Variants in CBR3 observed in about 807,000 individuals in gnomAD.
CBR3 encodes the protein carbonyl reductase [NADPH] 3.
A neutral mutation model predicts 11.6 loss-of-function variants in CBR3; 14 were observed. The ratio of observed to expected loss-of-function variants is 1.20; its 90% CI spans 0.79 to 1.88. CBR3 has a LOEUF of 1.88. Among genes scored for constraint, CBR3 ranks in the 40% most tolerant of loss-of-function variants. CBR3 has a pLI of 0.00. For missense variants in CBR3, 308 were observed against 357.3 expected (o/e 0.86, Z 1.11); for synonymous variants, 125 against 145.6 (o/e 0.86, Z 1.02).
chr21:36,143,778 G>A (rs919818790), intron 2 of CBR3, among the ~76,000 whole-genome samples: 1 of 151,626 alleles, frequency 6.6e-6, no homozygotes, highest in Non-Finnish European at 1.5e-5. Context: ...TATTTGTGGG[G>A]CTGAGACAGG....
chr21:36,143,238 GGTTGCA>G (rs2065727691), intron 2 of CBR3, among the ~76,000 whole-genome samples: 2 of 151,960 alleles, frequency 1.3e-5, no homozygotes, highest in South Asian at 4.1e-4. Flanking sequence ...CCGAGATAGA[GGTTGCA>G]GTGAGCTGAG....
chr21:36,142,053 T>C (rs373557558), intron 2 of CBR3: 2 of 269,748 alleles, frequency 7.4e-6, no homozygotes, highest in African/African-American at 4.6e-5. Flanking sequence ...TTGAGAGAAA[T>C]ACTACAAAAT....
intron 1 of CBR3, among the ~76,000 whole-genome samples, chr21:36,136,361 ACCTAGT>A (rs1233325254): frequency 6.6e-6 from 1 of 151,600 alleles, no homozygotes; most frequent in Non-Finnish European, 1.5e-5. Context: ...TTCACCTCCA[ACCTAGT>A]GGGGAAAAAA....
chr21:36,135,574 C>T (rs1013862013), intron 1 of CBR3, 93 bp downstream of exon 1: 3 of 1,258,150 alleles, frequency 2.4e-6, no homozygotes, highest in Non-Finnish European at 3.2e-6. Context: ...CTTGAGTGAC[C>T]GAGGAGGGTG....
chr21:36,136,837 G>A (rs1211097539), intron 1 of CBR3, among the ~76,000 whole-genome samples: 1 of 151,772 alleles, frequency 6.6e-6, no homozygotes, highest in African/African-American at 2.4e-5. Flanking sequence ...AGACCAGCCC[G>A]GGAAACATGG....
chr21:36,145,672 C>T (rs2065748025), intron 2 of CBR3, among the ~76,000 whole-genome samples: 1 of 151,770 alleles, frequency 6.6e-6, no homozygotes, highest in Non-Finnish European at 1.5e-5. Flanking sequence ...ATTAAACCTA[C>T]ACAATGGCCA....
chr21:36,135,708 G>A (rs1412314664), intron 1 of CBR3: 1 of 504,060 alleles, frequency 2.0e-6, no homozygotes, highest in Non-Finnish European at 3.4e-6. Flanking sequence ...CGGCCTGTGA[G>A]GGCCTGTGCG....
chr21:36,144,977 A>C (rs2065742103), intron 2 of CBR3: 1 of 150,936 alleles, frequency 6.6e-6, no homozygotes, highest in South Asian at 2.1e-4. Flanking sequence ...GGTGGTGGGC[A>C]CCTGTAGTCC....
chr21:36,146,005 G>T, intron 2 of CBR3, 71 bp from the exon 3 acceptor site: 12 of 841,240 alleles, frequency 1.4e-5, no homozygotes, highest in Non-Finnish European at 2.1e-5. Flanking sequence ...TCAATCATAT[G>T]TTTGGTATAT....
rs2123356072 is a variant in CBR3 at position 36,146,479 on chromosome 21, G to T, written c.801G>T (p.Gln267His). The change falls in exon 3 of 3, where the codon CAG (glutamine) becomes CAT (histidine). Residue 267 changes from glutamine (Q) to histidine (H), a missense_variant. Coordinates refer to ENST00000290354, the MANE Select transcript of CBR3 (RefSeq NM_001236.4). ...LPPDATEPQGQLVHDKVVQNW is the reference protein window; with the variant it reads ...LPPDATEPQGHLVHDKVVQNW ...CAGATGCCACTGAGCCACAAGGCCA[G>T]TTGGTCCATGACAAAGTTGTGCAAA... 6.2e-7 allele frequency: 1 copy of T among 1,611,474 alleles called. No homozygotes were observed. Among genetic ancestry groups the T allele is most frequent in the Non-Finnish European group, 8.5e-7 (1 of 1,178,110 alleles).
At position 36,135,166 on chromosome 21, in the gene CBR3, C is replaced by A; in HGVS notation, c.-27C>A. 6 of 1,428,866 alleles carry A rather than the reference C, an allele frequency of 4.2e-6. No individual in the cohort carries two copies. The highest frequency in any genetic ancestry group is 5.5e-6 in the Non-Finnish European group (6 of 1,095,312). The allele number at this position is 1,428,866 out of a possible 1,614,324, so 88.5% of individuals were successfully genotyped here. A position where few individuals can be genotyped will look rare whatever the true frequency, so the allele number is the denominator to read the frequency against. ...TCCGAAGCCCGGTCCGCCCTCCACG[C>A]AGGTGCCCCGCGCTCCCCGCTCAGC... On this transcript the variant is annotated 5_prime_UTR_variant, in exon 1 of 3. Coordinates refer to ENST00000290354, the MANE Select transcript of CBR3 (RefSeq NM_001236.4).
intron 2 of CBR3, 144 bp downstream of exon 2, chr21:36,138,076 C>T: frequency 3.2e-6 from 2 of 619,432 alleles, no homozygotes; most frequent in South Asian, 3.9e-5. Flanking sequence ...TTCATTTTCC[C>T]ACAGTGTTTG....
rs3028091 is a variant in CBR3, at chr21:36,136,308, G to GAAAAA, written c.289+837_289+841dup. On this transcript the variant is annotated intron_variant, in intron 1 of 2. Transcript: ENST00000290354. ...TGGGAGACAGAGCGAGACTCCGTAT[G>GAAAAA]AAAAAAAAAAAAAAGTTACTACGGA... Among the ~76,000 whole-genome samples, 2 of 140,270 alleles carry GAAAAA rather than the reference G, an allele frequency of 1.4e-5. 1 individual carries two copies. The highest frequency in any genetic ancestry group is 3.0e-5 in the Non-Finnish European group (2 of 65,632). 92.0% of individuals were successfully genotyped at this position (140,270 alleles called of 152,430 possible).
chr21:36,145,408 T>C (rs1291847220), intron 2 of CBR3, among the ~76,000 whole-genome samples: 1 of 152,160 alleles, frequency 6.6e-6, no homozygotes, highest in Non-Finnish European at 1.5e-5. Context: ...GGTGTGATCA[T>C]GGCTCACTGC....
chr21:36,141,721 G>A (rs2065711131), intron 2 of CBR3: 2 of 154,306 alleles, frequency 1.3e-5, no homozygotes, highest in East Asian at 1.9e-4. Context: ...GTGGAGGGTG[G>A]TGTGGGTGCA....
chr21:36,135,186 C>T lies in CBR3; in HGVS notation c.-7C>T. On this transcript the variant is annotated 5_prime_UTR_variant, in exon 1 of 3. Transcript: ENST00000290354. ...CCACGCAGGTGCCCCGCGCTCCCCGCTCAGCCATGTCGTCCTGCAGCCGCG... is the reference window on the plus strand; with the variant it reads ...CCACGCAGGTGCCCCGCGCTCCCCGTTCAGCCATGTCGTCCTGCAGCCGCG... The T allele has an allele frequency of 6.9e-7, 1 of 1,451,818 alleles. No individual in the cohort carries two copies. The highest frequency in any genetic ancestry group is 9.1e-7 in the Non-Finnish European group (1 of 1,103,608). 89.9% of individuals were successfully genotyped at this position (1,451,818 alleles called of 1,614,324 possible).
At chr21:36,142,431 C>CAAAAAAATAAAAAAAAA (rs2065717859) in intron 2 of CBR3, among the ~76,000 whole-genome samples, 1 of 40,396 alleles carries the variant, frequency 2.5e-5, no homozygotes, top group African/African-American at 1.1e-4. Context: ...GACTCCATCT[C>CAAAAAAATAAAAAAAAA]AAAAAAAAAA....
intron 2 of CBR3, among the ~76,000 whole-genome samples, chr21:36,139,388 T>C (rs1303089215): frequency 1.3e-5 from 2 of 148,928 alleles, no homozygotes; most frequent in African/African-American, 5.0e-5. Flanking sequence ...TTTTCTTTTT[T>C]TTTTTTTTTT....
At chr21:36,144,394 G>C (rs1053179819) in intron 2 of CBR3, among the ~76,000 whole-genome samples, 1 of 152,114 alleles carries the variant, frequency 6.6e-6, no homozygotes, top group Non-Finnish European at 1.5e-5. Flanking sequence ...GGAGGCGGAG[G>C]TTGCAGTGAG....
Sources: gnomAD v4.1 joint callset for allele counts (sites outside exome capture counted in the v4.1 genomes callset) on GRCh38, gnomAD v4.1.1 for gene constraint, MANE v1.5 for transcripts, NCBI Gene and HGNC (gene_info 2026-07-23, HGNC 2026-07-21) for gene names.